The following WDR17 variants were observed in gnomAD, a reference collection of about 807,000 sequenced individuals.
WDR17 encodes WD repeat-containing protein 17.
In WDR17, 143 loss-of-function variants were observed where a neutral mutation model predicts 161.7. That is an observed-to-expected ratio of 0.88 (90% CI 0.77 to 1.02). The LOEUF (loss-of-function observed/expected upper bound fraction) is 1.02, where lower values mean the gene tolerates loss of function less well. Among genes scored for constraint, WDR17 ranks in the 50% least tolerant of loss-of-function variants. The pLI, the probability that WDR17 is intolerant of heterozygous loss-of-function variation, is 0.00. For synonymous variants in WDR17, 517 were observed against 515.6 expected, an observed-to-expected ratio of 1.00 and a Z score of -0.04; for missense variants, 1,469 against 1,520.9, an observed-to-expected ratio of 0.97 and a Z score of 0.57.
rs1740518496 is a variant in WDR17 at position 176,115,789 on chromosome 4, G to A, written c.124-7G>A. On this transcript the variant is annotated splice_region_variant and splice_polypyrimidine_tract_variant and intron_variant, in intron 2 of 28. Coordinates refer to ENST00000508596, the MANE Select transcript of WDR17 (RefSeq NM_181265.4). ...CTAAAATATTTTATTTATATATTTT[G>A]TTTTAGTTGGATCACCGTTATAATG... is the stretch of plus-strand genomic sequence containing the variant. The A allele has an allele frequency of 1.3e-6, 2 of 1,576,654 alleles. No homozygotes were observed. Among genetic ancestry groups the A allele is most frequent in the Admixed American group, 1.8e-5 (1 of 55,858 alleles).
chr4:176,142,113 G>A, intron 11 of WDR17, 44 bp downstream of exon 11: 1 of 1,517,154 alleles, frequency 6.6e-7, no homozygotes, highest in Non-Finnish European at 9.1e-7. Context: ...CTACATTTTG[G>A]AAATTTTAAA....
chr4:176,101,458 G>T (rs1396867276), intron 1 of WDR17, among the ~76,000 whole-genome samples: 1 of 152,088 alleles, frequency 6.6e-6, no homozygotes, highest in African/African-American at 2.4e-5. Flanking sequence ...GACAGATAAA[G>T]CATCAGAACC....
chr4:176,081,930 A>G (rs957686216), intron 1 of WDR17, among the ~76,000 whole-genome samples: 4 of 152,102 alleles, frequency 2.6e-5, no homozygotes, highest in African/African-American at 9.7e-5. Context: ...TTCCACCTGT[A>G]CCAAAAGAAT....
At chr4:176,109,083 C>A (rs1739288366) in intron 1 of WDR17, among the ~76,000 whole-genome samples, 1 of 152,168 alleles carries the variant, frequency 6.6e-6, no homozygotes, top group African/African-American at 2.4e-5. Flanking sequence ...AGCCCCTGTG[C>A]TTGGCCAAAT....
intron 1 of WDR17, among the ~76,000 whole-genome samples, chr4:176,105,683 A>G (rs1268136431): frequency 6.6e-6 from 1 of 152,154 alleles, no homozygotes; most frequent in African/African-American, 2.4e-5. Context: ...CAAAAGCACA[A>G]CATACCAAAA....
intron 1 of WDR17, among the ~76,000 whole-genome samples, chr4:176,066,653 A>G (rs1297661947): frequency 6.6e-6 from 1 of 152,194 alleles, no homozygotes; most frequent in Non-Finnish European, 1.5e-5. Context: ...AGGAACAAAC[A>G]ATTTAAGGAG....
chr4:176,166,765 C>A (rs1286053999), intron 22 of WDR17, among the ~76,000 whole-genome samples: 1 of 152,144 alleles, frequency 6.6e-6, no homozygotes, highest in Non-Finnish European at 1.5e-5. Context: ...TGACATCATT[C>A]ATGCATTTTA....
chr4:176,092,286 G>A (rs918207150), intron 1 of WDR17, among the ~76,000 whole-genome samples: 18 of 152,136 alleles, frequency 1.2e-4, no homozygotes, highest in Non-Finnish European at 4.4e-5. Flanking sequence ...ATGCAAGGAT[G>A]GTTCAACATA....
intron 23 of WDR17, among the ~76,000 whole-genome samples, chr4:176,169,752 G>A (rs1750427550): frequency 6.6e-6 from 1 of 152,140 alleles, no homozygotes; most frequent in Admixed American, 6.5e-5. Flanking sequence ...GACAACGTGT[G>A]GGTGGATATG....
intron 1 of WDR17, among the ~76,000 whole-genome samples, chr4:176,111,044 G>A (rs1037764165): frequency 6.6e-6 from 1 of 152,170 alleles, no homozygotes; most frequent in Non-Finnish European, 1.5e-5. Context: ...GATTTTGTGA[G>A]GATGAAGAGT....
intron 1 of WDR17, among the ~76,000 whole-genome samples, chr4:176,094,993 T>A (rs968081873): frequency 2.0e-5 from 3 of 152,034 alleles, no homozygotes; most frequent in African/African-American, 7.2e-5. Context: ...TAGCTCGAAA[T>A]GGAGTTTAGG....
chr4:176,181,139 A>C lies in WDR17; in HGVS notation c.*1560A>C, dbSNP rs1432880507. ...TGTATCTATGTATCATATTTATCAC[A>C]TGACCACTTTTGATTCCTTAAAAAG... On this transcript the variant is annotated 3_prime_UTR_variant, in exon 29 of 29. Transcript: ENST00000508596. 6.6e-6 allele frequency: 1 copy of C among 152,094 alleles called. No homozygotes were observed. Among genetic ancestry groups the C allele is most frequent in the African/African-American group, 2.4e-5 (1 of 41,430 alleles). The allele number at this position is 152,094 out of a possible 1,614,324, so 9.4% of individuals were successfully genotyped here. A position where few individuals can be genotyped will look rare whatever the true frequency, so the allele number is the denominator to read the frequency against.
intron 1 of WDR17, among the ~76,000 whole-genome samples, chr4:176,070,978 C>T (rs1156604929): frequency 6.6e-6 from 1 of 152,152 alleles, no homozygotes; most frequent in East Asian, 1.9e-4. Context: ...AATGGGGAAT[C>T]CTAAGTTTGA....
At chr4:176,140,458 G>A (rs1745076763) in intron 10 of WDR17, among the ~76,000 whole-genome samples, 1 of 152,044 alleles carries the variant, frequency 6.6e-6, no homozygotes, top group African/African-American at 2.4e-5. Context: ...CTTTTGTTAG[G>A]AAATAACTTC....
At position 176,125,240 on chromosome 4, in the gene WDR17, C is replaced by T; in HGVS notation, c.675C>T (p.Arg225=). The T allele has an allele frequency of 6.2e-7, 1 of 1,614,122 alleles. No individual in the cohort carries two copies. The highest frequency in any genetic ancestry group is 8.5e-7 in the Non-Finnish European group (1 of 1,180,006). The stretch of plus-strand genomic sequence containing the variant: ...TGGTTAATTTGCATTATGGAATTCG[C>T]CTGGTAGATTCTGAATCACTTTCTT... ...LLVVNLHYGI[R]LVDSESLSCI... The change falls in exon 5 of 29, where the codon CGC becomes CGT. Residue 225 remains arginine (R), a synonymous_variant. Coordinates refer to ENST00000508596, the MANE Select transcript of WDR17 (RefSeq NM_181265.4).
Position 176,154,797 on chromosome 4 carries a change from C to T in WDR17, c.2461-1282C>T, listed in dbSNP as rs111257638. On this transcript the variant is annotated intron_variant, in intron 17 of 28. Coordinates refer to ENST00000508596, the MANE Select transcript of WDR17 (RefSeq NM_181265.4). ...TTCTAGTGATAATTGCAATAGAACC[C>T]TAGTGTTTTGAAAACCCTTAATTAA... Among the ~76,000 whole-genome samples the T allele has an allele frequency of 4.8e-3, 731 of 152,152 alleles. 9 individuals are homozygous for T. Among genetic ancestry groups the T allele is most frequent in the Middle Eastern group, 0.021 (6 of 290 alleles).
At chr4:176,142,978 C>A (rs907814149) in intron 11 of WDR17, among the ~76,000 whole-genome samples, 2 of 152,184 alleles carry the variant, frequency 1.3e-5, no homozygotes, top group Non-Finnish European at 2.9e-5. Context: ...CTCCCGGGTT[C>A]AAGCGATTCT....
Position 176,131,699 on chromosome 4 carries a change from T to C in WDR17, c.1059T>C (p.Tyr353=). The C allele has an allele frequency of 6.2e-7, 1 of 1,613,118 alleles. No individual in the cohort carries two copies. Among genetic ancestry groups the C allele is most frequent in the Non-Finnish European group, 8.5e-7 (1 of 1,179,580 alleles). ...TCTTGGATGGTGGAGTTGGACTTTA[T>C]GATATGGGAGCTAAGAAGTGGGATT... ...CCFLDGGVGL[Y]DMGAKKWDFL... The change falls in exon 7 of 29, where the codon TAT becomes TAC. Residue 353 remains tyrosine, a synonymous_variant. Coordinates refer to ENST00000508596, the MANE Select transcript of WDR17 (RefSeq NM_181265.4).
chr4:176,179,449 T>C lies in WDR17; in HGVS notation c.3733-11T>C, dbSNP rs200648300. The C allele has an allele frequency of 2.0e-6, 3 of 1,519,870 alleles. No homozygotes were observed. Among genetic ancestry groups the C allele is most frequent in the Non-Finnish European group, 2.6e-6 (3 of 1,134,782 alleles). 94.1% of individuals were successfully genotyped at this position (1,519,870 alleles called of 1,614,324 possible). A position where few individuals can be genotyped will look rare whatever the true frequency, so the allele number is the denominator to read the frequency against. ...ATCTCATCTTCTCTTTCCTCAACTC[T>C]CACTGTGCAGGGCCCTGTGTTTTTC... On this transcript the variant is annotated splice_polypyrimidine_tract_variant and intron_variant, in intron 28 of 28. Transcript: ENST00000508596.
Sources: allele counts gnomAD v4.1 joint callset (sites outside exome capture counted in the v4.1 genomes callset), GRCh38; gene constraint gnomAD v4.1.1; transcripts MANE v1.5; gene names NCBI Gene and HGNC (gene_info 2026-07-23, HGNC 2026-07-21).